Variants in SDK1 observed in about 807,000 individuals in gnomAD.
SDK1 encodes protein sidekick-1.
Under a neutral mutation model 245.5 loss-of-function variants are expected in SDK1, and 157 were observed. The observed-to-expected ratio is 0.64, with a 90% CI of 0.56 to 0.73. The LOEUF (loss-of-function observed/expected upper bound fraction) is 0.73, where lower values mean the gene tolerates loss of function less well. Among genes scored for constraint, SDK1 ranks in the 30% least tolerant of loss-of-function variants. SDK1 has a pLI of 0.00. For missense variants in SDK1, 3,583 were observed against 3,002.3 expected (o/e 1.19, Z -4.52); for synonymous variants, 1,647 against 1,278.5 (o/e 1.29, Z -6.15).
intron 25 of SDK1, among the ~76,000 whole-genome samples, chr7:4,123,497 G>A (rs554548200): frequency 6.6e-5 from 10 of 152,268 alleles, no homozygotes; most frequent in Admixed American, 6.5e-4. Context: ...GCAGGAGTGA[G>A]CCGGGTGGAG....
intron 1 of SDK1, among the ~76,000 whole-genome samples, chr7:3,384,393 C>T (rs931536171): frequency 2.0e-5 from 3 of 151,962 alleles, no homozygotes; most frequent in Non-Finnish European, 4.4e-5. Flanking sequence ...TTCAGGGATG[C>T]TTTTCCAAAA....
chr7:3,904,313 A>G (rs570977354), intron 5 of SDK1, among the ~76,000 whole-genome samples: 1 of 152,324 alleles, frequency 6.6e-6, no homozygotes, highest in East Asian at 1.9e-4. Context: ...TGAGTGCTGA[A>G]GAGTATAGGA....
rs1031123237 is a variant in SDK1 at position 3,427,300 on chromosome 7, C to T, written c.298+125416C>T. ...TTGGGAGGCCGAGACAGACGGATTGCCTGAGGTCAGGAGTTCGAGACCAGC... is the reference window on the plus strand; with the variant it reads ...TTGGGAGGCCGAGACAGACGGATTGTCTGAGGTCAGGAGTTCGAGACCAGC... On this transcript the variant is annotated intron_variant, in intron 1 of 44. Transcript: ENST00000404826. Among the ~76,000 whole-genome samples the T allele has an allele frequency of 2.6e-5, 4 of 152,198 alleles. No individual in the cohort carries two copies. In the South Asian group the frequency reaches 6.2e-4, roughly 24 times the overall value.
At chr7:4,011,618 C>A (rs991331837) in intron 15 of SDK1, among the ~76,000 whole-genome samples, 2 of 152,242 alleles carry the variant, frequency 1.3e-5, no homozygotes, top group Non-Finnish European at 2.9e-5. Flanking sequence ...AAAATGGCTT[C>A]ATCACATTTC....
At chr7:3,833,163 A>T (rs1206702022) in intron 5 of SDK1, among the ~76,000 whole-genome samples, 3 of 152,142 alleles carry the variant, frequency 2.0e-5, no homozygotes, top group African/African-American at 7.2e-5. Flanking sequence ...ACTCTAGAGA[A>T]GCTCTTAAAA....
At chr7:4,199,542 T>C (rs1783770563) in intron 35 of SDK1, among the ~76,000 whole-genome samples, 1 of 152,186 alleles carries the variant, frequency 6.6e-6, no homozygotes, top group African/African-American at 2.4e-5. Context: ...ATATGTTTGT[T>C]ATCGTGAGTC....
intron 4 of SDK1, among the ~76,000 whole-genome samples, chr7:3,760,278 T>A (rs1271348989): frequency 1.3e-5 from 2 of 152,212 alleles, no homozygotes; most frequent in Non-Finnish European, 2.9e-5. Flanking sequence ...GTCATGGTAT[T>A]TCAGATGACC....
At chr7:3,869,041 C>T (rs756689688) in intron 5 of SDK1, among the ~76,000 whole-genome samples, 14 of 151,780 alleles carry the variant, frequency 9.2e-5, no homozygotes, top group South Asian at 6.3e-4. Flanking sequence ...TCTGGTGATT[C>T]TGTGTGGGAG....
chr7:3,738,011 A>G (rs1779368009), intron 4 of SDK1, among the ~76,000 whole-genome samples: 1 of 152,092 alleles, frequency 6.6e-6, no homozygotes, highest in South Asian at 2.1e-4. Context: ...TTGTCTATAG[A>G]TAGTTTTGCT....
intron 5 of SDK1, among the ~76,000 whole-genome samples, chr7:3,930,915 G>A (rs1779953708): frequency 6.6e-6 from 1 of 152,174 alleles, no homozygotes; most frequent in South Asian, 2.1e-4. Context: ...GCATCAGTTA[G>A]AACATCTTAT....
intron 4 of SDK1, among the ~76,000 whole-genome samples, chr7:3,717,055 A>G (rs916557788): frequency 6.6e-6 from 1 of 152,200 alleles, no homozygotes; most frequent in Non-Finnish European, 1.5e-5. Flanking sequence ...ACTTAAGACT[A>G]TTAGATTTTA....
intron 17 of SDK1, among the ~76,000 whole-genome samples, chr7:4,034,005 T>C (rs1583892447): frequency 6.6e-6 from 1 of 152,118 alleles, no homozygotes; most frequent in Non-Finnish European, 1.5e-5. Context: ...TGGCAGTGAG[T>C]GGTTGCAGTT....
intron 1 of SDK1, among the ~76,000 whole-genome samples, chr7:3,553,916 A>T (rs1779502919): frequency 6.6e-6 from 1 of 152,158 alleles, no homozygotes. Flanking sequence ...GACCCGTGGG[A>T]GCCCCCATCA....
chr7:3,607,586 A>G (rs951659543), intron 1 of SDK1, among the ~76,000 whole-genome samples: 7 of 152,230 alleles, frequency 4.6e-5, no homozygotes, highest in African/African-American at 1.7e-4. Context: ...CAATATCTAG[A>G]CTTCTCTAGA....
intron 19 of SDK1, among the ~76,000 whole-genome samples, chr7:4,064,908 C>T (rs1388308692): frequency 1.3e-5 from 2 of 151,828 alleles, no homozygotes; most frequent in Non-Finnish European, 2.9e-5. Flanking sequence ...AGGGGTGTGT[C>T]GGTGGAGCAG....
At chr7:3,701,624 T>C (rs547521578) in intron 4 of SDK1, among the ~76,000 whole-genome samples, 6 of 152,250 alleles carry the variant, frequency 3.9e-5, no homozygotes, top group African/African-American at 1.2e-4. Context: ...TATAAAAGAT[T>C]ATTCTAAAAT....
chr7:4,065,946 T>C (rs1279833922), intron 19 of SDK1, among the ~76,000 whole-genome samples: 1 of 152,074 alleles, frequency 6.6e-6, no homozygotes, highest in East Asian at 1.9e-4. Context: ...CATGCTCTCC[T>C]ATTTTAAGCT....
At chr7:3,809,987 C>T (rs1478171860) in intron 4 of SDK1, among the ~76,000 whole-genome samples, 1 of 152,202 alleles carries the variant, frequency 6.6e-6, no homozygotes, top group Non-Finnish European at 1.5e-5. Flanking sequence ...CATGCACAGT[C>T]CTCCCAGGAA....
chr7:3,412,351 G>A (rs901246596), intron 1 of SDK1, among the ~76,000 whole-genome samples: 2 of 152,084 alleles, frequency 1.3e-5, no homozygotes, highest in African/African-American at 4.8e-5. Context: ...GTATCAAACT[G>A]TATATATTCT....
Sources: gnomAD v4.1 joint callset for allele counts (sites outside exome capture counted in the v4.1 genomes callset) on GRCh38, gnomAD v4.1.1 for gene constraint, MANE v1.5 for transcripts, NCBI Gene and HGNC (gene_info 2026-07-23, HGNC 2026-07-21) for gene names.